The following PCDHGA7 variants were observed in gnomAD, a reference collection of about 807,000 sequenced individuals.
PCDHGA7 encodes protocadherin gamma-A7.
PCDHGA7 carries 44 observed loss-of-function variants against 58.3 expected under a neutral mutation model. The ratio of observed to expected loss-of-function variants is 0.75; its 90% confidence interval spans 0.59 to 0.97. The LOEUF is 0.97. Ranked by LOEUF, PCDHGA7 falls within the 50% of genes least tolerant of loss-of-function variation. PCDHGA7 has a pLI of 0.00. For synonymous variants in PCDHGA7, 516 were observed against 504.2 expected, an observed-to-expected ratio of 1.02 and a Z score of -0.31; for missense variants, 1,266 against 1,188.7, an observed-to-expected ratio of 1.06 and a Z score of -0.96.
Position 141,489,216 on chromosome 5 carries a change from C to G in PCDHGA7, c.2425-5591C>G. The G allele has an allele frequency of 6.7e-7, 1 of 1,486,698 alleles. No individual in the cohort carries two copies. Among genetic ancestry groups the G allele is most frequent in the Non-Finnish European group, 9.1e-7 (1 of 1,103,260 alleles). 92.1% of individuals were successfully genotyped at this position (1,486,698 alleles called of 1,614,324 possible). ...TTGGAGACAGGACAGCACAGACTTA[C>G]TCTCCACAAAGGGACTTCTGGGTCA... On this transcript the variant is annotated intron_variant, in intron 1 of 3. Transcript: ENST00000518325. This position sits in a 1 kb window ranked among gnomAD's most constrained non-coding sequence, Gnocchi z 4.5.
Position 141,415,174 on chromosome 5 carries a change from G to C in PCDHGA7, c.2424+29851G>C, listed in dbSNP as rs1368688199. ...CTCCGCCACTGTCACGCTCACCGTG[G>C]CCGTGGCCGACAGCATCCCCCAAGT... On this transcript the variant is annotated intron_variant, in intron 1 of 3. Transcript: ENST00000518325. 4 of 1,613,784 alleles carry C rather than the reference G, an allele frequency of 2.5e-6. No homozygotes were observed. The African/African-American group carries it at 4.0e-5, about 16-fold the overall frequency.
chr5:141,501,228 A>G (rs1054674676), intron 2 of PCDHGA7, among the ~76,000 whole-genome samples: 10 of 149,588 alleles, frequency 6.7e-5, no homozygotes, highest in African/African-American at 2.5e-4. Context: ...TAGATTTCTC[A>G]GTTTTTTGAG....
intron 1 of PCDHGA7, chr5:141,409,913 G>A: frequency 6.2e-7 from 1 of 1,613,334 alleles, no homozygotes; most frequent in South Asian, 1.1e-5. Flanking sequence ...GGGTCCTGAC[G>A]GCTCCGCGTT....
At chr5:141,478,766 T>C in intron 1 of PCDHGA7, 2 of 1,505,456 alleles carry the variant, frequency 1.3e-6, no homozygotes, top group Non-Finnish European at 1.8e-6. Flanking sequence ...GATACTTGAC[T>C]CATCTGTGGA....
intron 1 of PCDHGA7, among the ~76,000 whole-genome samples, chr5:141,468,306 C>T (rs1006015063): frequency 9.5e-6 from 1 of 105,260 alleles, no homozygotes; most frequent in African/African-American, 3.7e-5. Context: ...GCCTGGGCAA[C>T]AAGAGCAACG....
At chr5:141,409,796 C>T (rs750405889) in intron 1 of PCDHGA7, 1 of 1,611,944 alleles carries the variant, frequency 6.2e-7, no homozygotes, top group Non-Finnish European at 8.5e-7. Context: ...CGCGCTCACG[C>T]TGCAGGCCCG....
chr5:141,490,993 C>G lies in PCDHGA7; in HGVS notation c.2425-3814C>G, dbSNP rs746618787. 1.9e-6 allele frequency: 3 copies of G among 1,614,140 alleles called. No individual in the cohort carries two copies. Among genetic ancestry groups the G allele is most frequent in the Non-Finnish European group, 2.5e-6 (3 of 1,180,030 alleles). On this transcript the variant is annotated intron_variant, in intron 1 of 3. Coordinates refer to ENST00000518325, the MANE Select transcript of PCDHGA7 (RefSeq NM_018920.4). The surrounding 1 kb of genome is among the most constrained non-coding windows in gnomAD (Gnocchi z 5.4). ...CCAGCGTCTCCCTCGCTCTGCTCCT[C>G]CTGGCTCCTTGGTCACCAAGGTGAC...
At chr5:141,494,364 G>A (rs1461560857) in intron 1 of PCDHGA7, among the ~76,000 whole-genome samples, 1 of 152,202 alleles carries the variant, frequency 6.6e-6, no homozygotes, top group African/African-American at 2.4e-5. Context: ...TGCAGAGGAT[G>A]CTTTGTTCCC....
chr5:141,389,234 C>A, intron 1 of PCDHGA7: 2 of 1,614,076 alleles, frequency 1.2e-6, no homozygotes, highest in Non-Finnish European at 1.7e-6. Context: ...CTCCGGTTTT[C>A]TCACAGTCTT....
intron 1 of PCDHGA7, among the ~76,000 whole-genome samples, chr5:141,468,890 G>A (rs2099184679): frequency 6.6e-6 from 1 of 151,592 alleles, no homozygotes; most frequent in African/African-American, 2.4e-5. Flanking sequence ...TAATAATAAG[G>A]TACTAATATG....
In PCDHGA7 at chr5:141,433,028, G is replaced by T. The variant is rs539293579; in HGVS notation, c.2424+47705G>T. 27 of 1,614,116 alleles carry T rather than the reference G, an allele frequency of 1.7e-5. No individual in the cohort carries two copies. The highest frequency in any genetic ancestry group is 6.7e-5 in the Admixed American group (4 of 60,018). On this transcript the variant is annotated intron_variant, in intron 1 of 3. Coordinates refer to ENST00000518325, the MANE Select transcript of PCDHGA7 (RefSeq NM_018920.4). ...TTTCCTGCAGACCTATTCCCACGAG[G>T]TTTCCCTCACCACGGACTCGCGGAA...
Position 141,476,667 on chromosome 5 carries a change from T to C in PCDHGA7, c.2425-18140T>C. 6.2e-7 allele frequency: 1 copy of C among 1,614,234 alleles called. No individual in the cohort carries two copies. Among genetic ancestry groups the C allele is most frequent in the Non-Finnish European group, 8.5e-7 (1 of 1,180,042 alleles). ...CGAAATGAATACTTTGCGCTTCGCG[T>C]GCAGACGCGGGAGGACAGCACCAAG... On this transcript the variant is annotated intron_variant, in intron 1 of 3. Transcript: ENST00000518325. The surrounding 1 kb of genome is among the most constrained non-coding windows in gnomAD (Gnocchi z 7.6).
At chr5:141,419,413 C>T (rs568417008) in intron 1 of PCDHGA7, 4 of 1,613,444 alleles carry the variant, frequency 2.5e-6, no homozygotes, top group African/African-American at 1.3e-5. Flanking sequence ...TCGCGCAGCG[C>T]GCCTTCGACC....
At chr5:141,393,669 G>A in intron 1 of PCDHGA7, 1 of 1,613,886 alleles carries the variant, frequency 6.2e-7, no homozygotes, top group Non-Finnish European at 8.5e-7. Flanking sequence ...GAAAATTAAT[G>A]AAAAACAAAC....
Position 141,430,964 on chromosome 5 carries a change from A to G in PCDHGA7, c.2424+45641A>G, listed in dbSNP as rs547574367. The G allele has an allele frequency of 7.3e-5, 117 of 1,612,860 alleles. No homozygotes were observed. The South Asian group carries it at 1.2e-3, about 17-fold the overall frequency. On this transcript the variant is annotated intron_variant, in intron 1 of 3. Coordinates refer to ENST00000518325, the MANE Select transcript of PCDHGA7 (RefSeq NM_018920.4). The stretch of plus-strand genomic sequence containing the variant: ...GGAGCGCGGAGTCCGCATCATCCCC[A>G]GAGGTAGGACGCAGCTTTTCGCCCT...
chr5:141,413,842 G>C, intron 1 of PCDHGA7: 1 of 1,613,294 alleles, frequency 6.2e-7, no homozygotes, highest in Non-Finnish European at 8.5e-7. Flanking sequence ...CGACGGGGGT[G>C]ACCCTCTCCG....
intron 1 of PCDHGA7, chr5:141,404,077 C>T: frequency 6.2e-7 from 1 of 1,613,742 alleles, no homozygotes; most frequent in East Asian, 2.2e-5. Flanking sequence ...ATGACCGAGA[C>T]TCCGGGAAGA....
chr5:141,394,860 G>A, intron 1 of PCDHGA7: 1 of 1,613,792 alleles, frequency 6.2e-7, no homozygotes, highest in African/African-American at 1.3e-5. Flanking sequence ...GCCTTCGGTC[G>A]ACCCGAACGA....
chr5:141,420,246 T>C (rs1216078492), intron 1 of PCDHGA7: 3 of 1,583,234 alleles, frequency 1.9e-6, no homozygotes, highest in African/African-American at 2.7e-5. Context: ...ACTCCCAGCG[T>C]TGAAGCAGAT....
Sources: gnomAD v4.1 joint callset for allele counts (sites outside exome capture counted in the v4.1 genomes callset) on GRCh38, gnomAD v4.1.1 for gene constraint, Gnocchi (gnomAD v3.1) non-coding constraint, MANE v1.5 for transcripts, NCBI Gene and HGNC (gene_info 2026-07-23, HGNC 2026-07-21) for gene names.